The following TEX15 variants were observed in gnomAD, a reference collection of about 807,000 sequenced individuals.
TEX15 encodes the protein testis-expressed protein 15.
In TEX15, 171 loss-of-function variants were observed where a neutral mutation model predicts 237.3. The observed-to-expected ratio is 0.72, with a 90% CI of 0.64 to 0.82. TEX15 has a LOEUF of 0.82. TEX15 is among the 40% of genes least tolerant of loss of function. TEX15 has a pLI of 0.00. For synonymous variants in TEX15, 1,338 were observed against 1,269.8 expected, an observed-to-expected ratio of 1.05 and a Z score of -1.14; for missense variants, 3,750 against 3,646.5, an observed-to-expected ratio of 1.03 and a Z score of -0.73.
intron 2 of TEX15, 81 bp from the exon 3 acceptor site, chr8:30,887,392 T>A: frequency 8.2e-7 from 1 of 1,214,410 alleles, no homozygotes; most frequent in Non-Finnish European, 1.1e-6. Context: ...TTAAAAGTTC[T>A]TCAACAAAAG....
chr8:30,842,305 T>C lies in TEX15; in HGVS notation c.7862A>G (p.His2621Arg), dbSNP rs1435810542. 10 of 1,613,768 alleles carry C rather than the reference T, an allele frequency of 6.2e-6. No individual in the cohort carries two copies. The African/African-American group carries it at 1.2e-4, about 19-fold the overall frequency. Residue 2621 changes from histidine (H) to arginine (R), a missense_variant, in exon 8 of 11, where the codon CAT becomes CGT. Transcript: ENST00000643185. Reference sequence around the variant, plus strand: ...ATTTTTAGTACATATCATCTTCATATGTTCAATCGTTTTCATGACTTTCCT... The same window carrying C: ...ATTTTTAGTACATATCATCTTCATACGTTCAATCGTTTTCATGACTTTCCT... The part of the protein sequence containing the change: ...HIRKVMKTIE[H>R]MKMICTKNAE...
chr8:30,846,778 G>T lies in TEX15; in HGVS notation c.3389C>A (p.Ser1130Tyr). The T allele has an allele frequency of 6.2e-7, 1 of 1,613,766 alleles. No individual in the cohort carries two copies. The highest frequency in any genetic ancestry group is 8.5e-7 in the Non-Finnish European group (1 of 1,179,748). ...GGAATAAAAATAGTTACTTTCCTTA[G>T]AATAATGCTGATCACTATTCTCCCT... Reference protein sequence around the residue: ...TGRENSDQHYSKESNYFYSST... With the variant: ...TGRENSDQHYYKESNYFYSST... The change falls in exon 8 of 11, where the codon TCT becomes TAT. Residue 1130 changes from serine (S) to tyrosine (Y), a missense_variant. Transcript: ENST00000643185.
At chr8:30,886,410 A>C (rs1008468634) in intron 3 of TEX15, among the ~76,000 whole-genome samples, 1 of 152,188 alleles carries the variant, frequency 6.6e-6, no homozygotes, top group Non-Finnish European at 1.5e-5. Context: ...TTACTGCTGG[A>C]TGTGGTGGAG....
rs1807345870 is a variant in TEX15 at position 30,837,872 on chromosome 8, T to C, written c.8412A>G (p.Ser2804=). ...KSESKIDLTV[S]SDHFSGQQEN... ...CCTGTTGTCCACTGAAGTGATCAGA[T>C]GAAACAGTTAAGTCTATTTTGCTTT... Residue 2804 remains serine, a synonymous_variant, in exon 10 of 11, where the codon TCA becomes TCG. Coordinates refer to ENST00000643185, the MANE Select transcript of TEX15 (RefSeq NM_001350162.2). 1 of 1,614,084 alleles carries C rather than the reference T, an allele frequency of 6.2e-7. No individual in the cohort carries two copies. Among genetic ancestry groups the C allele is most frequent in the African/African-American group, 1.3e-5 (1 of 74,948 alleles).
chr8:30,877,103 G>A (rs1305671728), intron 3 of TEX15, among the ~76,000 whole-genome samples: 3 of 152,166 alleles, frequency 2.0e-5, no homozygotes, highest in Non-Finnish European at 4.4e-5. Context: ...ATACAACAAT[G>A]TAGCACCATC....
In TEX15 at chr8:30,837,294, G is replaced by C; in HGVS notation, c.8990C>G (p.Ser2997Cys). ...NVNQGAEYSL[S>C]EQQNDKNSKV... ...TGAATTTTTGTCATTCTGTTGTTCA[G>C]AAAGAGAGTACTCTGCTCCTTGATT... Residue 2997 changes from serine to cysteine, a missense_variant, in exon 10 of 11, where the codon TCT becomes TGT. By Grantham distance (112) the Ser-to-Cys change is moderately radical (BLOSUM62 -1). Coordinates refer to ENST00000643185, the MANE Select transcript of TEX15 (RefSeq NM_001350162.2). 6.2e-7 allele frequency: 1 copy of C among 1,614,152 alleles called. No individual in the cohort carries two copies. The highest frequency in any genetic ancestry group is 8.5e-7 in the Non-Finnish European group (1 of 1,180,032).
Position 30,844,770 on chromosome 8 carries a change from A to C in TEX15, c.5397T>G (p.Thr1799=). Reference sequence around the variant, plus strand: ...TTTCCCCATAACTTTTATCTTCTTCAGTTCCTGATGCTACATCCAACTCAT... The same window carrying C: ...TTTCCCCATAACTTTTATCTTCTTCCGTTCCTGATGCTACATCCAACTCAT... The part of the protein sequence containing the change: ...ENYELDVASG[T]EEDKSYGENI... The change falls in exon 8 of 11, where the codon ACT becomes ACG. Residue 1799 remains threonine, a synonymous_variant. Transcript: ENST00000643185. The C allele has an allele frequency of 6.2e-7, 1 of 1,613,448 alleles. No individual in the cohort carries two copies. Among genetic ancestry groups the C allele is most frequent in the Non-Finnish European group, 8.5e-7 (1 of 1,179,590 alleles).
intron 4 of TEX15, among the ~76,000 whole-genome samples, chr8:30,870,847 A>G (rs971836035): frequency 6.6e-6 from 1 of 152,088 alleles, no homozygotes; most frequent in African/African-American, 2.4e-5. Context: ...TATGCAGATA[A>G]GTCAGACATG....
intron 2 of TEX15, among the ~76,000 whole-genome samples, chr8:30,889,934 C>CATATATATATATATATATATACAT (rs374692942): frequency 1.5e-4 from 19 of 123,310 alleles, no homozygotes; most frequent in African/African-American, 5.7e-4. Flanking sequence ...TAGTTATATA[C>CATATATATATATATATATATACAT]ATATATATAT....
Position 30,833,314 on chromosome 8 carries a change from T to C in TEX15, c.9491A>G (p.His3164Arg). ...PEVPWVYAPW[H>R]QESFHPGH ...GTGTCCTGGATGAAAGGATTCTTGG[T>C]GCCATGGAGCTGGAAGAAAAAACAC... Residue 3164 changes from histidine to arginine, a missense_variant, in exon 11 of 11, where the codon CAC becomes CGC. Coordinates refer to ENST00000643185, the MANE Select transcript of TEX15 (RefSeq NM_001350162.2). 6.3e-7 allele frequency: 1 copy of C among 1,597,854 alleles called. No homozygotes were observed. Among genetic ancestry groups the C allele is most frequent in the Non-Finnish European group, 8.5e-7 (1 of 1,171,574 alleles).
Position 30,833,167 on chromosome 8 carries a change from G to T in TEX15, c.*119C>A. ...TTGTATATTTTACAAAGGACCATAT[G>T]ATTTATATTTCCTACCACATTTACA... On this transcript the variant is annotated 3_prime_UTR_variant, in exon 11 of 11. Transcript: ENST00000643185. 1.5e-6 allele frequency: 1 copy of T among 675,866 alleles called. No individual in the cohort carries two copies. Among genetic ancestry groups the T allele is most frequent in the South Asian group, 2.0e-5 (1 of 50,638 alleles). The allele number at this position is 675,866 out of a possible 1,614,324, so 41.9% of individuals were successfully genotyped here. A position where few individuals can be genotyped will look rare whatever the true frequency, so the allele number is the denominator to read the frequency against.
chr8:30,888,517 C>T, intron 2 of TEX15: 1 of 817,972 alleles, frequency 1.2e-6, no homozygotes, highest in South Asian at 1.5e-5. Flanking sequence ...CCCCTGCAAC[C>T]TCCATCCCCT....
chr8:30,888,206 T>C (rs1417512836), intron 2 of TEX15, among the ~76,000 whole-genome samples: 2 of 151,906 alleles, frequency 1.3e-5, no homozygotes, highest in African/African-American at 2.4e-5. Context: ...TGAGCCACCA[T>C]GCCCAGCCCA....
rs113118321 is a variant in TEX15, at chr8:30,842,289, A to C, written c.7878T>G (p.Cys2626Trp). 1 of 1,613,820 alleles carries C rather than the reference A, an allele frequency of 6.2e-7. No homozygotes were observed. Among genetic ancestry groups the C allele is most frequent in the Non-Finnish European group, 8.5e-7 (1 of 1,179,862 alleles). Residue 2626 changes from cysteine to tryptophan, a missense_variant, in exon 8 of 11, where the codon TGT (cysteine) becomes TGG (tryptophan). Transcript: ENST00000643185. ...AAATGGTTAGTTCAGCATTTTTAGT[A>C]CATATCATCTTCATATGTTCAATCG... ...MKTIEHMKMI[C>W]TKNAELTISF...
At chr8:30,852,253 C>A (rs1453805726) in intron 7 of TEX15, among the ~76,000 whole-genome samples, 1 of 151,542 alleles carries the variant, frequency 6.6e-6, no homozygotes, top group African/African-American at 2.4e-5. Context: ...CTACAGGCGT[C>A]CGCCACCACG....
chr8:30,893,743 G>C (rs1268170940), intron 2 of TEX15, among the ~76,000 whole-genome samples: 1 of 152,090 alleles, frequency 6.6e-6, no homozygotes, highest in Non-Finnish European at 1.5e-5. Context: ...GCAGCTTTTA[G>C]TATCATCTTT....
rs145745342 is a variant in TEX15, at chr8:30,836,836, G to A, written c.9448C>T (p.Arg3150Ter). 45 of 1,611,030 alleles carry A rather than the reference G, an allele frequency of 2.8e-5. No homozygotes were observed. The highest frequency in any genetic ancestry group is 3.4e-5 in the Non-Finnish European group (40 of 1,178,882). The stretch of plus-strand genomic sequence containing the variant: ...CAAGGAACTTCTGGAGGCACAAATC[G>A]ATTAGGAAGGTAAGGGTATGTAGCT... ...PQATYPYLPN[R>*]FVPPEVPWVY... Residue 3150 changes from arginine to a stop codon, truncating the protein, a stop_gained, in exon 10 of 11, where the codon CGA (arginine) becomes TGA (stop). Coordinates refer to ENST00000643185, the MANE Select transcript of TEX15 (RefSeq NM_001350162.2). LOFTEE classifies it high-confidence loss of function.
At chr8:30,911,158 C>T (rs967928200) in intron 1 of TEX15, among the ~76,000 whole-genome samples, 4 of 152,098 alleles carry the variant, frequency 2.6e-5, no homozygotes, top group African/African-American at 7.2e-5. Context: ...CTCGCTCTGT[C>T]GCCCGGGCTG....
chr8:30,896,369 T>C (rs1808906584), intron 2 of TEX15, among the ~76,000 whole-genome samples: 1 of 152,218 alleles, frequency 6.6e-6, no homozygotes, highest in African/African-American at 2.4e-5. Context: ...TTGTTTACTT[T>C]GCCACTGCCA....
Sources: allele counts gnomAD v4.1 joint callset (sites outside exome capture counted in the v4.1 genomes callset), GRCh38; gene constraint gnomAD v4.1.1; transcripts MANE v1.5; gene names NCBI Gene and HGNC (gene_info 2026-07-23, HGNC 2026-07-21).